Variants in USO1 observed in about 807,000 individuals in gnomAD.
USO1 encodes general vesicular transport factor p115.
A neutral mutation model predicts 124.5 loss-of-function variants in USO1; 57 were observed. The ratio of observed to expected loss-of-function variants is 0.46; its 90% CI spans 0.37 to 0.57. USO1 has a LOEUF of 0.57. Ranked by LOEUF, USO1 falls within the 20% of genes least tolerant of loss-of-function variation. The pLI, the probability that USO1 is intolerant of heterozygous loss-of-function variation, is 0.00. For missense variants in USO1, 900 were observed against 1,040.6 expected, an observed-to-expected ratio of 0.86 and a Z score of 1.86; for synonymous variants, 369 against 362.8, an observed-to-expected ratio of 1.02 and a Z score of -0.19.
At chr4:75,727,579 T>G (rs1312022836) in intron 1 of USO1, among the ~76,000 whole-genome samples, 1 of 152,194 alleles carries the variant, frequency 6.6e-6, no homozygotes, top group Non-Finnish European at 1.5e-5. Flanking sequence ...TTAGAAGTAT[T>G]TATAGAGCAT....
In USO1 at chr4:75,770,524, G is replaced by A. The variant is rs1226807050; in HGVS notation, c.381G>A (p.Leu127=). 6.3e-7 allele frequency: 1 copy of A among 1,584,884 alleles called. No homozygotes were observed. The highest frequency in any genetic ancestry group is 8.6e-7 in the Non-Finnish European group (1 of 1,164,996). Residue 127 remains leucine, a synonymous_variant, in exon 5 of 24, where the codon CTG becomes CTA. Transcript: ENST00000514213. ...FIKQQENVTL[L]LSLLEEFDFH... ...AGCAGCAGGAAAATGTCACTCTTCT[G>A]TTATCTTTATTGGAGGTAAATAGGG... is the stretch of plus-strand genomic sequence containing the variant.
At chr4:75,747,994 G>A (rs1185077999) in intron 1 of USO1, among the ~76,000 whole-genome samples, 2 of 130,734 alleles carry the variant, frequency 1.5e-5, no homozygotes, top group African/African-American at 2.9e-5. Context: ...CGCAACCTCC[G>A]CCTCCTGGGT....
At chr4:75,740,098 C>G (rs1720915227) in intron 1 of USO1, among the ~76,000 whole-genome samples, 1 of 152,122 alleles carries the variant, frequency 6.6e-6, no homozygotes, top group Non-Finnish European at 1.5e-5. Context: ...CTTTGGAAGA[C>G]AGAGGCAGGA....
rs1026103721 is a variant in USO1 at position 75,770,933 on chromosome 4, C to T, written c.499+9C>T. On this transcript the variant is annotated intron_variant, in intron 6 of 23. Transcript: ENST00000514213. ...TTTAGTCAGTCCTATGGGTAAGTGA[C>T]TTATCTTTTTTATATTATTTTGATT... 2 of 1,602,870 alleles carry T rather than the reference C, an allele frequency of 1.2e-6. No individual in the cohort carries two copies. Among genetic ancestry groups the T allele is most frequent in the Admixed American group, 1.8e-5 (1 of 56,574 alleles).
In USO1 at chr4:75,813,291, T is replaced by C. The variant is rs781622240; in HGVS notation, c.2885T>C (p.Ile962Thr). 2 of 1,596,356 alleles carry C rather than the reference T, an allele frequency of 1.3e-6. No individual in the cohort carries two copies. The highest frequency in any genetic ancestry group is 1.4e-5 in the African/African-American group (1 of 73,690). The change falls in exon 24 of 24, where the codon ATC (isoleucine) becomes ACC (threonine). Residue 962 changes from isoleucine to threonine, a missense_variant. By Grantham distance (89) the Ile-to-Thr change is moderately conservative (BLOSUM62 -1). This residue lies in a region of USO1 where 362 missense variants were observed against 359.0 expected (regional missense o/e 1.01). Transcript: ENST00000514213. ...SEDPGKDLDH[I>T] ...GATCCTGGCAAGGATCTAGATCATATCTAGTTTTCAAATCTCTAGGAACAA... is the reference window on the plus strand; with the variant it reads ...GATCCTGGCAAGGATCTAGATCATACCTAGTTTTCAAATCTCTAGGAACAA...
At chr4:75,771,003 G>T in intron 6 of USO1, 79 bp downstream of exon 6, 5 of 1,597,402 alleles carry the variant, frequency 3.1e-6, no homozygotes, top group Non-Finnish European at 4.3e-6. Context: ...GAAATGGTGT[G>T]TTAGTAAATT....
intron 1 of USO1, chr4:75,730,019 A>G (rs1352426482): frequency 1.6e-5 from 5 of 312,368 alleles, no homozygotes; most frequent in South Asian, 1.3e-4. Context: ...TTCTACATTA[A>G]TAACCAGGTC....
intron 10 of USO1, among the ~76,000 whole-genome samples, chr4:75,787,775 A>G (rs775164907): frequency 6.6e-6 from 1 of 152,126 alleles, no homozygotes; most frequent in Non-Finnish European, 1.5e-5. Flanking sequence ...ATGTCACCTC[A>G]TAATTATTTT....
chr4:75,752,390 C>A lies in USO1; in HGVS notation c.84C>A (p.Asp28Glu). 2.5e-6 allele frequency: 1 copy of A among 398,220 alleles called. No individual in the cohort carries two copies. The highest frequency in any genetic ancestry group is 4.4e-6 in the Non-Finnish European group (1 of 225,956). 24.7% of individuals were successfully genotyped at this position (398,220 alleles called of 1,614,324 possible). ...TEAETIQKLC[D>E]RVASSTLLDD... ...CATGACAGATTCAAAAGCTTTGTGACAGAGTAGCTTCATCTACTTTATTGG... is the reference window on the plus strand; with the variant it reads ...CATGACAGATTCAAAAGCTTTGTGAAAGAGTAGCTTCATCTACTTTATTGG... The change falls in exon 2 of 24, where the codon GAC becomes GAA. Residue 28 changes from aspartate to glutamate, a missense_variant. Asp to Glu is a conservative substitution (Grantham distance 45). Transcript: ENST00000514213.
intron 4 of USO1, among the ~76,000 whole-genome samples, chr4:75,769,766 A>C (rs1405514017): frequency 6.8e-6 from 1 of 146,912 alleles, no homozygotes; most frequent in Non-Finnish European, 1.5e-5. Flanking sequence ...TACATAGTAC[A>C]TTGAGACAAC....
At chr4:75,807,508 A>G (rs1055981255) in intron 20 of USO1, among the ~76,000 whole-genome samples, 11 of 152,136 alleles carry the variant, frequency 7.2e-5, no homozygotes, top group African/African-American at 1.9e-4. Context: ...ATGACTGAAC[A>G]TAGAGAAATT....
chr4:75,800,481 G>T lies in USO1; in HGVS notation c.1682+12G>T, dbSNP rs553663672. 323 of 1,570,960 alleles carry T rather than the reference G, an allele frequency of 2.1e-4. No homozygotes were observed. The African/African-American group carries it at 3.9e-3, about 19-fold the overall frequency. ...GAGAGCTACATGAAGTAAGTAAGGG[G>T]AAGATGGTTTTCTAATGGCATCAAG... On this transcript the variant is annotated intron_variant, in intron 15 of 23. Transcript: ENST00000514213.
At chr4:75,775,778 G>A (rs1408795206) in intron 8 of USO1, among the ~76,000 whole-genome samples, 1 of 152,016 alleles carries the variant, frequency 6.6e-6, no homozygotes, top group Non-Finnish European at 1.5e-5. Flanking sequence ...TAGAGTGGAA[G>A]AAACGAAAAT....
intron 1 of USO1, chr4:75,744,845 T>C (rs752111768): frequency 2.2e-5 from 10 of 450,428 alleles, no homozygotes; most frequent in Non-Finnish European, 3.1e-5. Context: ...ATACTTCCGA[T>C]GTGTTTTGTT....
At chr4:75,804,931 A>T in intron 18 of USO1, 1 of 496,806 alleles carries the variant, frequency 2.0e-6, no homozygotes, top group Non-Finnish European at 3.4e-6. Context: ...CAGTTTAGTC[A>T]AGGCTGTGCT....
At position 75,724,636 on chromosome 4, in the gene USO1, T is replaced by G. The variant is rs1390401627; in HGVS notation, c.-184T>G. 13 of 601,584 alleles carry G rather than the reference T, an allele frequency of 2.2e-5. No homozygotes were observed. The East Asian group carries it at 2.5e-4, about 12-fold the overall frequency. The allele number at this position is 601,584 out of a possible 1,614,324, so 37.3% of individuals were successfully genotyped here. A position where few individuals can be genotyped will look rare whatever the true frequency, so the allele number is the denominator to read the frequency against. On this transcript the variant is annotated 5_prime_UTR_variant, in exon 1 of 24. Transcript: ENST00000514213. ...TGCCACGTCCCCGCGCATGCGCATC[T>G]TGGCCGCTGCTGGCGGCTGTTTCCG...
chr4:75,737,889 G>A (rs962258100), intron 1 of USO1, among the ~76,000 whole-genome samples: 8 of 151,908 alleles, frequency 5.3e-5, no homozygotes, highest in Admixed American at 2.6e-4. Context: ...GTGTAGTGGC[G>A]TGATCTCGGC....
intron 13 of USO1, 22 bp downstream of exon 13, chr4:75,793,923 A>G: frequency 1.2e-6 from 2 of 1,613,510 alleles, no homozygotes; most frequent in Non-Finnish European, 8.5e-7. Context: ...CATAAGGGAA[A>G]AAGTTCTATA....
At chr4:75,753,409 C>T (rs932580302) in intron 3 of USO1, among the ~76,000 whole-genome samples, 59 of 152,068 alleles carry the variant, frequency 3.9e-4, no homozygotes, top group African/African-American at 1.4e-3. Context: ...TGGTGCATGC[C>T]TGTAATCCCA....
Sources: allele counts gnomAD v4.1 joint callset (sites outside exome capture counted in the v4.1 genomes callset), GRCh38; gene constraint gnomAD v4.1.1; regional missense constraint gnomAD v4.1.1; transcripts MANE v1.5; gene names NCBI Gene and HGNC (gene_info 2026-07-23, HGNC 2026-07-21).